The following EGFLAM variants were observed in gnomAD, a reference collection of about 807,000 sequenced individuals.
EGFLAM encodes the protein pikachurin.
EGFLAM carries 79 observed loss-of-function variants against 113.1 expected under a neutral mutation model. That is an observed-to-expected ratio of 0.70 (90% confidence interval 0.58 to 0.84). The LOEUF is 0.84. Ranked by LOEUF, EGFLAM falls within the 40% of genes least tolerant of loss-of-function variation. The pLI is 0.00. For missense variants in EGFLAM, 1,265 were observed against 1,291.6 expected (o/e 0.98, Z 0.32); for synonymous variants, 504 against 487.6 (o/e 1.03, Z -0.44).
At chr5:38,284,524 G>T (rs1395820572) in intron 1 of EGFLAM, among the ~76,000 whole-genome samples, 1 of 152,180 alleles carries the variant, frequency 6.6e-6, no homozygotes, top group Admixed American at 6.5e-5. Context: ...GCTGTGGTTT[G>T]CTGAACCTGC....
At chr5:38,385,280 C>T (rs867621772) in intron 6 of EGFLAM, among the ~76,000 whole-genome samples, 15,376 of 68,136 alleles carry the variant, frequency 0.23, 1,398 homozygotes, top group African/African-American at 0.45. Flanking sequence ...TCCCACCCAC[C>T]CCCCCCCCCC....
At chr5:38,372,203 C>T (rs1740241923) in intron 6 of EGFLAM, among the ~76,000 whole-genome samples, 1 of 151,514 alleles carries the variant, frequency 6.6e-6, no homozygotes. Context: ...AGTGCAATGG[C>T]GCGATCTCGG....
intron 19 of EGFLAM, among the ~76,000 whole-genome samples, chr5:38,452,786 C>T (rs181542054): frequency 4.3e-4 from 66 of 152,288 alleles, no homozygotes; most frequent in African/African-American, 1.5e-3. Context: ...TGGGTGTTAC[C>T]GATAACGCAG....
rs936189926 is a variant in EGFLAM, at chr5:38,406,172, C to T, written c.759C>T (p.Thr253=). The T allele has an allele frequency of 5.6e-6, 9 of 1,613,950 alleles. No homozygotes were observed. The highest frequency in any genetic ancestry group is 2.2e-5 in the East Asian group (1 of 44,892). ...GCCGCTATGGACCCCGTTATATCAC[C>T]GACATGGGAGCTGGTGAGGATGATG... ...GSGRYGPRYI[T]DMGAGEDDEG... Residue 253 remains threonine, a synonymous_variant, in exon 7 of 22, where the codon ACC becomes ACT. Coordinates refer to ENST00000322350, the MANE Select transcript of EGFLAM (RefSeq NM_152403.4).
intron 1 of EGFLAM, among the ~76,000 whole-genome samples, chr5:38,312,970 C>T (rs1738495333): frequency 6.6e-6 from 1 of 152,004 alleles, no homozygotes. Context: ...CACCTGTAAT[C>T]CCAGCTACTC....
rs1251408675 is a variant in EGFLAM, at chr5:38,462,952, G to T, written c.2816G>T (p.Arg939Ile). The change falls in exon 21 of 22, where the codon AGA (arginine) becomes ATA (isoleucine). Residue 939 changes from arginine to isoleucine, a missense_variant. Coordinates refer to ENST00000322350, the MANE Select transcript of EGFLAM (RefSeq NM_152403.4). ...ATAACCGTGGATGACTATGGAGCCA[G>T]AACAGGCAAATCCCCAGGCATGATG... ...GKITVDDYGA[R>I]TGKSPGMMRQ... 3 of 1,614,054 alleles carry T rather than the reference G, an allele frequency of 1.9e-6. No homozygotes were observed. The South Asian group carries it at 3.3e-5, about 18-fold the overall frequency.
At chr5:38,296,663 ATATT>A (rs1009467197) in intron 1 of EGFLAM, among the ~76,000 whole-genome samples, 73 of 151,644 alleles carry the variant, frequency 4.8e-4, no homozygotes, top group Admixed American at 4.1e-3. Flanking sequence ...GCACCCAAAT[ATATT>A]TATTAATTAT....
chr5:38,318,342 CTAACTGTAGATAGTATACTATACTAACTA>C (rs1390941210), intron 1 of EGFLAM, among the ~76,000 whole-genome samples: 3 of 150,574 alleles, frequency 2.0e-5, no homozygotes, highest in Admixed American at 1.3e-4. Context: ...CTATAGTATA[CTAACTGTAGATAGTATACTATACTAACTA>C]TATAGTGTAG....
In EGFLAM at chr5:38,313,489, T is replaced by C. The variant is rs1373469221; in HGVS notation, c.98-24031T>C. ...ACATGCTCGTGCATAAAATATTTTT[T>C]CCATATCTGAGATTATCTCATTAGG... On this transcript the variant is annotated intron_variant, in intron 1 of 21. Transcript: ENST00000322350. Among the ~76,000 whole-genome samples, 4 of 152,370 alleles carry C rather than the reference T, an allele frequency of 2.6e-5. No homozygotes were observed. The East Asian group carries it at 7.7e-4, about 29-fold the overall frequency.
chr5:38,274,872 T>A (rs772484863), intron 1 of EGFLAM, among the ~76,000 whole-genome samples: 1 of 152,212 alleles, frequency 6.6e-6, no homozygotes, highest in African/African-American at 2.4e-5. Context: ...AAAGACCAAC[T>A]GTTTAATGAT....
At chr5:38,326,925 A>G (rs1198655495) in intron 1 of EGFLAM, among the ~76,000 whole-genome samples, 3 of 151,328 alleles carry the variant, frequency 2.0e-5, no homozygotes, top group African/African-American at 7.3e-5. Context: ...CAGCCTCCCA[A>G]GTAGCTGGGA....
chr5:38,408,660 A>G (rs957728221), intron 9 of EGFLAM, among the ~76,000 whole-genome samples: 6 of 152,180 alleles, frequency 3.9e-5, no homozygotes, highest in Admixed American at 2.6e-4. Context: ...ATAGAATTGG[A>G]TGTACACCAG....
intron 15 of EGFLAM, among the ~76,000 whole-genome samples, chr5:38,433,650 G>T (rs752998299): frequency 1.4e-4 from 22 of 152,100 alleles, no homozygotes; most frequent in Non-Finnish European, 1.6e-4. Context: ...TTTCCTAGCA[G>T]CCAGCTGCTC....
At chr5:38,435,803 TCTC>T (rs1742325039) in intron 16 of EGFLAM, among the ~76,000 whole-genome samples, 2 of 139,686 alleles carry the variant, frequency 1.4e-5, no homozygotes, top group South Asian at 4.8e-4. Context: ...CCCCCGGCTC[TCTC>T]TTTTTTTTTT....
chr5:38,415,324 C>T (rs1038195801), intron 11 of EGFLAM, among the ~76,000 whole-genome samples: 4 of 148,442 alleles, frequency 2.7e-5, no homozygotes, highest in Non-Finnish European at 4.4e-5. Context: ...GATTGCGCTA[C>T]TGCACTCCAT....
chr5:38,353,627 A>T (rs921566228), intron 5 of EGFLAM, among the ~76,000 whole-genome samples: 1 of 152,210 alleles, frequency 6.6e-6, no homozygotes, highest in African/African-American at 2.4e-5. Context: ...TTCACACAGG[A>T]CTTGGTAAAT....
intron 18 of EGFLAM, among the ~76,000 whole-genome samples, chr5:38,450,517 A>G (rs1409031721): frequency 1.3e-5 from 2 of 152,238 alleles, no homozygotes; most frequent in African/African-American, 2.4e-5. Flanking sequence ...TTCCAATGAC[A>G]TTATGCTAGT....
chr5:38,432,502 AG>A (rs1742219285), intron 15 of EGFLAM, among the ~76,000 whole-genome samples: 1 of 48,280 alleles, frequency 2.1e-5, no homozygotes, highest in African/African-American at 8.1e-5. Flanking sequence ...GGGGCAGGGA[AG>A]GGGGGAGGGA....
At chr5:38,350,761 T>C in intron 4 of EGFLAM, 143 bp downstream of exon 4, 1 of 720,084 alleles carries the variant, frequency 1.4e-6, no homozygotes, top group East Asian at 2.7e-5. Context: ...TAAGCACAGC[T>C]CCCGCCCTCT....
Sources: gnomAD v4.1 joint callset for allele counts (sites outside exome capture counted in the v4.1 genomes callset) on GRCh38, gnomAD v4.1.1 for gene constraint, MANE v1.5 for transcripts, NCBI Gene and HGNC (gene_info 2026-07-23, HGNC 2026-07-21) for gene names.